The following WDR70 variants were observed in gnomAD, a reference collection of about 807,000 sequenced individuals.
The protein encoded by WDR70 is WD repeat domain 70, also known as WD repeat-containing protein 70.
A neutral mutation model predicts 88.6 loss-of-function variants in WDR70; 53 were observed. That is an observed-to-expected ratio of 0.60 (90% CI 0.48 to 0.75). The LOEUF is 0.75. WDR70 is among the 30% of genes least tolerant of loss of function. WDR70 has a pLI of 0.00. For missense variants in WDR70, 610 were observed against 823.2 expected (o/e 0.74, Z 3.17); for synonymous variants, 280 against 270.0 (o/e 1.04, Z -0.36).
chr5:37,664,263 C>T (rs1341964350), intron 10 of WDR70, among the ~76,000 whole-genome samples: 1 of 152,138 alleles, frequency 6.6e-6, no homozygotes, highest in Non-Finnish European at 1.5e-5. Context: ...TAAATCCCTT[C>T]AAAAAATCAA....
intron 8 of WDR70, among the ~76,000 whole-genome samples, chr5:37,508,223 T>C (rs1271290793): frequency 1.3e-5 from 2 of 152,070 alleles, no homozygotes; most frequent in African/African-American, 4.8e-5. Flanking sequence ...GGGAGGTAAT[T>C]AGGTTTAGGT....
chr5:37,425,735 G>T (rs1481910284), intron 5 of WDR70, among the ~76,000 whole-genome samples: 1 of 152,050 alleles, frequency 6.6e-6, no homozygotes, highest in Admixed American at 6.6e-5. Flanking sequence ...TTGAGTAATG[G>T]CATAATTTGA....
chr5:37,564,638 G>T (rs1211047719), intron 9 of WDR70, among the ~76,000 whole-genome samples: 2 of 151,084 alleles, frequency 1.3e-5, no homozygotes, highest in Admixed American at 1.3e-4. Context: ...CATCAAATGT[G>T]GACAAGTTAG....
chr5:37,407,341 G>A (rs1402184744), intron 5 of WDR70, among the ~76,000 whole-genome samples: 1 of 152,086 alleles, frequency 6.6e-6, no homozygotes, highest in Non-Finnish European at 1.5e-5. Flanking sequence ...TGATCAACAT[G>A]GCGAAACCCC....
rs141723640 is a variant in WDR70, at chr5:37,448,348, G to A, written c.686+4976G>A. ...CAAGTCCTGGAATCAGTACTTCCCC[G>A]AGTAGCCCGTCTTTCTTTTTGTGGG... is the stretch of plus-strand genomic sequence containing the variant. On this transcript the variant is annotated intron_variant, in intron 7 of 17. Coordinates refer to ENST00000265107, the MANE Select transcript of WDR70 (RefSeq NM_018034.4). 5.1e-4 allele frequency among the ~76,000 whole-genome samples: 77 copies of A among 152,210 alleles called. 1 individual carries two copies. The highest frequency in any genetic ancestry group is 1.8e-3 in the African/African-American group (75 of 41,546).
In WDR70 at chr5:37,616,499, A is replaced by G. The variant is rs2366420; in HGVS notation, c.1092+11261A>G. Among the ~76,000 whole-genome samples the G allele has an allele frequency of 6.4e-4, 98 of 152,166 alleles. 1 individual carries two copies. The East Asian group carries it at 0.018, about 29-fold the overall frequency. On this transcript the variant is annotated intron_variant, in intron 10 of 17. Transcript: ENST00000265107. ...CTGCCTTGGTGCCTTTTCCTATACT[A>G]AACACTCCACCCTATATGCCTCTCC...
intron 9 of WDR70, among the ~76,000 whole-genome samples, chr5:37,555,711 T>G (rs1224214616): frequency 2.6e-5 from 4 of 151,540 alleles, no homozygotes; most frequent in African/African-American, 7.3e-5. Flanking sequence ...TGTTCAGTTT[T>G]TTTTGTTTTG....
chr5:37,532,559 T>C (rs979635333), intron 9 of WDR70, among the ~76,000 whole-genome samples: 1 of 152,096 alleles, frequency 6.6e-6, no homozygotes, highest in African/African-American at 2.4e-5. Context: ...TTGCTGAGAC[T>C]TTCCAGTGTA....
chr5:37,538,466 A>G (rs1192697171), intron 9 of WDR70, among the ~76,000 whole-genome samples: 1 of 152,216 alleles, frequency 6.6e-6, no homozygotes, highest in African/African-American at 2.4e-5. Flanking sequence ...TGTAAACAGC[A>G]CATAAGAATT....
intron 17 of WDR70, 108 bp downstream of exon 17, chr5:37,727,153 T>A: frequency 3.7e-6 from 5 of 1,356,710 alleles, no homozygotes; most frequent in African/African-American, 1.5e-5. Context: ...TATTTCATAC[T>A]TAGATATGAA....
At chr5:37,593,161 C>CT (rs767083462) in intron 9 of WDR70, among the ~76,000 whole-genome samples, 11 of 151,978 alleles carry the variant, frequency 7.2e-5, no homozygotes, top group East Asian at 1.9e-4. Context: ...CTCTCTCTCT[C>CT]TTTTTTTTAA....
chr5:37,438,430 C>G (rs1750549244), intron 6 of WDR70, among the ~76,000 whole-genome samples: 1 of 151,954 alleles, frequency 6.6e-6, no homozygotes, highest in Non-Finnish European at 1.5e-5. Flanking sequence ...ACTTAGTTTA[C>G]AGATTGCATG....
chr5:37,512,808 C>T (rs376922520), intron 8 of WDR70, among the ~76,000 whole-genome samples: 21 of 151,546 alleles, frequency 1.4e-4, no homozygotes, highest in African/African-American at 5.1e-4. Flanking sequence ...TGGTCTCAAA[C>T]TCCTGAGCTC....
intron 9 of WDR70, among the ~76,000 whole-genome samples, chr5:37,600,312 T>G (rs1188670771): frequency 6.6e-6 from 1 of 152,034 alleles, no homozygotes; most frequent in East Asian, 1.9e-4. Flanking sequence ...TGGATCATGA[T>G]GTCAGGAGAT....
rs564035764 is a variant in WDR70 at position 37,714,545 on chromosome 5, C to T, written c.1417-6570C>T. 4.6e-4 allele frequency among the ~76,000 whole-genome samples: 70 copies of T among 152,292 alleles called. 1 individual carries two copies. The highest frequency in any genetic ancestry group is 3.1e-3 in the Admixed American group (47 of 15,290). ...ATGACTAGCCCCAGTGCCCCAGGCT[C>T]CTCTTAGGCATGAGGGGCTCCATAT... On this transcript the variant is annotated intron_variant, in intron 13 of 17. Coordinates refer to ENST00000265107, the MANE Select transcript of WDR70 (RefSeq NM_018034.4).
chr5:37,452,438 G>T (rs565605681), intron 7 of WDR70, among the ~76,000 whole-genome samples: 1 of 152,128 alleles, frequency 6.6e-6, no homozygotes, highest in East Asian at 1.9e-4. Context: ...GCTAATTTTT[G>T]TATTTTTAGT....
intron 9 of WDR70, among the ~76,000 whole-genome samples, chr5:37,595,443 A>G (rs1743674748): frequency 6.6e-6 from 1 of 152,200 alleles, no homozygotes; most frequent in Non-Finnish European, 1.5e-5. Flanking sequence ...GAACTAAAAG[A>G]TCTATATAAA....
chr5:37,574,380 C>G (rs1024704851), intron 9 of WDR70, among the ~76,000 whole-genome samples: 1 of 152,102 alleles, frequency 6.6e-6, no homozygotes, highest in Non-Finnish European at 1.5e-5. Context: ...AGCAGCATAC[C>G]CCCCTCCATG....
At chr5:37,743,227 G>A (rs2972940) in intron 17 of WDR70, among the ~76,000 whole-genome samples, 5,159 of 152,292 alleles carry the variant, frequency 0.034, 303 homozygotes, top group African/African-American at 0.12. Context: ...CCAAGCTAAG[G>A]GAGGCGGTGA....
Sources: allele counts gnomAD v4.1 joint callset (sites outside exome capture counted in the v4.1 genomes callset), GRCh38; gene constraint gnomAD v4.1.1; transcripts MANE v1.5; gene names NCBI Gene and HGNC (gene_info 2026-07-23, HGNC 2026-07-21).